Variants in RBFOX1 observed in about 807,000 individuals in gnomAD.
The protein encoded by RBFOX1 is RNA binding protein fox-1 homolog 1.
RBFOX1 carries 8 observed loss-of-function variants against 57.7 expected under a neutral mutation model. That is an observed-to-expected ratio of 0.14 (90% CI 0.08 to 0.25). The LOEUF is 0.25. Ranked by LOEUF, RBFOX1 falls within the 10% of genes least tolerant of loss-of-function variation. The probability of loss-of-function intolerance (pLI) is 1.00; values close to 1 mark genes in which losing one functional copy is unlikely to be tolerated. For synonymous variants in RBFOX1, 326 were observed against 222.4 expected (o/e 1.47, Z -4.15); for missense variants, 611 against 548.5 (o/e 1.11, Z -1.14).
intron 3 of RBFOX1, among the ~76,000 whole-genome samples, chr16:5,709,638 T>C (rs2051378118): frequency 6.6e-6 from 1 of 150,830 alleles, no homozygotes; most frequent in African/African-American, 2.4e-5. Context: ...GGCACTTGTC[T>C]TGCTGCATTC....
rs117514013 is a variant in RBFOX1, at chr16:6,672,701, G to A, written c.-16+18051G>A. On this transcript the variant is annotated intron_variant, in intron 3 of 15. Coordinates refer to ENST00000550418, the MANE Select transcript of RBFOX1 (RefSeq NM_018723.4). ...ACCATGATTCCGCTTCTGCTTTTCT[G>A]CTTTTCTTGGGTTTGGCTTGCCTTG... Among the ~76,000 whole-genome samples the A allele has an allele frequency of 1.6e-3, 240 of 152,238 alleles. 1 individual carries two copies. In the East Asian group the frequency reaches 0.027, roughly 17 times the overall value.
chr16:6,537,437 A>C (rs1192574998), intron 2 of RBFOX1, among the ~76,000 whole-genome samples: 1 of 152,240 alleles, frequency 6.6e-6, no homozygotes, highest in Non-Finnish European at 1.5e-5. Flanking sequence ...GTATTATTTA[A>C]CACTCACAAC....
At chr16:7,392,969 G>A (rs1194576722) in intron 4 of RBFOX1, among the ~76,000 whole-genome samples, 5 of 152,052 alleles carry the variant, frequency 3.3e-5, no homozygotes, top group South Asian at 4.1e-4. Flanking sequence ...CGCCTCCCAG[G>A]TTCCAGTGAT....
intron 1 of RBFOX1, among the ~76,000 whole-genome samples, chr16:6,254,646 G>C (rs1162649745): frequency 6.6e-6 from 1 of 152,120 alleles, no homozygotes; most frequent in Non-Finnish European, 1.5e-5. Flanking sequence ...TCTAGTCTCT[G>C]CGTGAAATTC....
chr16:6,484,121 C>G (rs1420076), intron 2 of RBFOX1, among the ~76,000 whole-genome samples: 20,968 of 152,222 alleles, frequency 0.14, 2,272 homozygotes, highest in East Asian at 0.5. Context: ...CTCCGTTTAA[C>G]TTTATTCCCA....
intron 3 of RBFOX1, among the ~76,000 whole-genome samples, chr16:7,038,532 C>T (rs1250846354): frequency 6.6e-6 from 1 of 152,158 alleles, no homozygotes; most frequent in Non-Finnish European, 1.5e-5. Context: ...TTCCACCCTG[C>T]AAGGTATCAG....
chr16:7,051,268 C>G (rs540822342), intron 3 of RBFOX1, among the ~76,000 whole-genome samples: 220 of 152,220 alleles, frequency 1.4e-3, no homozygotes, highest in African/African-American at 5.1e-3. Context: ...CTATGTGTTC[C>G]TTTTTATTTG....
rs182620305 is a variant in RBFOX1, at chr16:6,860,165, A to T, written c.-15-191892A>T. Among the ~76,000 whole-genome samples the T allele has an allele frequency of 3.4e-3, 512 of 152,210 alleles. 9 individuals carry two copies. The highest frequency in any genetic ancestry group is 2.1e-3 in the Non-Finnish European group (145 of 68,018). On this transcript the variant is annotated intron_variant, in intron 3 of 15. Transcript: ENST00000550418. ...TCCTGGCATATGTTTTTCTTGCTTC[A>T]TTTTCTGAGTCATCTGCAATAGCGG...
chr16:7,660,313 C>T (rs1456373148), intron 12 of RBFOX1, among the ~76,000 whole-genome samples: 1 of 152,186 alleles, frequency 6.6e-6, no homozygotes, highest in Admixed American at 6.5e-5. Context: ...AATACAAGTA[C>T]CTTTGCATGG....
At chr16:5,496,009 C>G (rs1337429014) in intron 2 of RBFOX1, among the ~76,000 whole-genome samples, 1 of 152,134 alleles carries the variant, frequency 6.6e-6, no homozygotes, top group Non-Finnish European at 1.5e-5. Flanking sequence ...GCCTGTAATC[C>G]CAGCTACTCG....
intron 1 of RBFOX1, among the ~76,000 whole-genome samples, chr16:5,451,557 G>T (rs527751232): frequency 1.3e-5 from 2 of 152,174 alleles, no homozygotes; most frequent in African/African-American, 4.8e-5. Flanking sequence ...TCCACTTGTC[G>T]GGAAGGTGCT....
chr16:6,681,809 C>T (rs1013324407), intron 3 of RBFOX1, among the ~76,000 whole-genome samples: 1 of 152,088 alleles, frequency 6.6e-6, no homozygotes, highest in African/African-American at 2.4e-5. Flanking sequence ...TAATAGCTAC[C>T]CTTTCTTTTC....
intron 14 of RBFOX1, among the ~76,000 whole-genome samples, chr16:7,699,406 G>A (rs1044253894): frequency 6.6e-6 from 1 of 152,132 alleles, no homozygotes. Flanking sequence ...TGCCCAGGCT[G>A]ATCTCAAACT....
At chr16:7,455,282 AC>A (rs1351037954) in intron 4 of RBFOX1, among the ~76,000 whole-genome samples, 1 of 151,842 alleles carries the variant, frequency 6.6e-6, no homozygotes, top group Non-Finnish European at 1.5e-5. Context: ...TGGATACATC[AC>A]CCTCCCTATA....
chr16:6,470,600 CT>C, intron 2 of RBFOX1, among the ~76,000 whole-genome samples: 1 of 152,156 alleles, frequency 6.6e-6, no homozygotes, highest in Non-Finnish European at 1.5e-5. Flanking sequence ...CCAGTTGCCT[CT>C]TGTGTAACTC....
chr16:7,110,611 C>T (rs1599774126), intron 4 of RBFOX1, among the ~76,000 whole-genome samples: 1 of 152,088 alleles, frequency 6.6e-6, no homozygotes, highest in Admixed American at 6.6e-5. Context: ...TGTAGTTGCT[C>T]TGGTGACATT....
chr16:6,529,235 T>C (rs1344644143), intron 2 of RBFOX1, among the ~76,000 whole-genome samples: 1 of 152,104 alleles, frequency 6.6e-6, no homozygotes, highest in Non-Finnish European at 1.5e-5. Context: ...TAAAAGCATA[T>C]TGCATTGACT....
At chr16:6,897,212 A>G (rs981861367) in intron 3 of RBFOX1, among the ~76,000 whole-genome samples, 1 of 152,226 alleles carries the variant, frequency 6.6e-6, no homozygotes, top group Admixed American at 6.5e-5. Context: ...ACCCTACTTC[A>G]TAACTTCTAA....
At chr16:5,430,943 C>T (rs1368870400) in intron 1 of RBFOX1, among the ~76,000 whole-genome samples, 1 of 152,172 alleles carries the variant, frequency 6.6e-6, no homozygotes, top group Non-Finnish European at 1.5e-5. Flanking sequence ...TGGGGACCTG[C>T]TCAGTAACAC....
Sources: gnomAD v4.1 joint callset for allele counts (sites outside exome capture counted in the v4.1 genomes callset) on GRCh38, gnomAD v4.1.1 for gene constraint, MANE v1.5 for transcripts, NCBI Gene and HGNC (gene_info 2026-07-23, HGNC 2026-07-21) for gene names.